The following SMCHD1 variants were observed in gnomAD, a reference collection of about 807,000 sequenced individuals.
SMCHD1 encodes structural maintenance of chromosomes flexible hinge domain containing 1.
SMCHD1 carries 78 observed loss-of-function variants against 254.7 expected under a neutral mutation model. The ratio of observed to expected loss-of-function variants is 0.31; its 90% CI spans 0.26 to 0.37. The LOEUF is 0.37. SMCHD1 is among the 10% of genes least tolerant of loss of function. SMCHD1 has a pLI of 1.00. For missense variants in SMCHD1, 1,840 were observed against 2,408.1 expected (o/e 0.76, Z 4.94); for synonymous variants, 766 against 794.9 (o/e 0.96, Z 0.61).
At position 2,767,584 on chromosome 18, in the gene SMCHD1, C is replaced by CTTTT. The variant is rs397858216; in HGVS notation, c.4720-2090_4720-2087dup. On this transcript the variant is annotated intron_variant, in intron 37 of 47. Coordinates refer to ENST00000320876, the MANE Select transcript of SMCHD1 (RefSeq NM_015295.3). ...TGGGCTATATATCACAACCTATTTC[C>CTTTT]TTTTTTTTTTTTTTTTTTTTTTTGA... Among the ~76,000 whole-genome samples the CTTTT allele has an allele frequency of 7.6e-3, 681 of 89,180 alleles. 13 individuals carry two copies. The highest frequency in any genetic ancestry group is 0.01 in the East Asian group (33 of 3,222). 58.5% of individuals were successfully genotyped at this position (89,180 alleles called of 152,430 possible).
chr18:2,799,109 A>G (rs920201515), intron 47 of SMCHD1, among the ~76,000 whole-genome samples: 3 of 152,190 alleles, frequency 2.0e-5, no homozygotes, highest in African/African-American at 7.2e-5. Flanking sequence ...TACGTGAGTC[A>G]CATATATAAT....
intron 3 of SMCHD1, among the ~76,000 whole-genome samples, chr18:2,672,622 A>C (rs376685564): frequency 3.3e-5 from 5 of 152,356 alleles, no homozygotes; most frequent in African/African-American, 7.2e-5. Context: ...TTTTTACTAA[A>C]GGGATAAAAG....
intron 25 of SMCHD1, among the ~76,000 whole-genome samples, chr18:2,735,301 A>C (rs930306693): frequency 6.6e-6 from 1 of 152,162 alleles, no homozygotes; most frequent in Non-Finnish European, 1.5e-5. Flanking sequence ...GATAATGAGA[A>C]CCATCCATGA....
At chr18:2,792,947 T>C (rs2076192474) in intron 45 of SMCHD1, among the ~76,000 whole-genome samples, 2 of 152,200 alleles carry the variant, frequency 1.3e-5, no homozygotes, top group Admixed American at 6.5e-5. Context: ...CTGTCACAGC[T>C]TGCCTCTATC....
rs976938924 is a variant in SMCHD1, at chr18:2,718,609, G to A, written c.2458+175G>A. On this transcript the variant is annotated intron_variant, in intron 19 of 47. Transcript: ENST00000320876. This position sits in a 1 kb window ranked among gnomAD's most constrained non-coding sequence, Gnocchi z 4.6. ...CTCATTCTGTCACCCAGGCTGGAGT[G>A]CAGTGGCACAATCTCGGCTCACTGC... Among the ~76,000 whole-genome samples the A allele has an allele frequency of 3.3e-5, 5 of 152,168 alleles. No homozygotes were observed. The highest frequency in any genetic ancestry group is 7.3e-5 in the Non-Finnish European group (5 of 68,028).
At chr18:2,761,181 TGTTCTCCCTTGCAA>T (rs2143685450) in intron 35 of SMCHD1, among the ~76,000 whole-genome samples, 1 of 152,340 alleles carries the variant, frequency 6.6e-6, no homozygotes, top group East Asian at 1.9e-4. Flanking sequence ...AAATACTGCA[TGTTCTCCCTTGCAA>T]GTGGGAGCTA....
chr18:2,797,146 T>G (rs2076278874), intron 47 of SMCHD1, among the ~76,000 whole-genome samples: 2 of 152,142 alleles, frequency 1.3e-5, no homozygotes, highest in South Asian at 4.1e-4. Context: ...AGTAACTTAA[T>G]AAGTATAGAA....
chr18:2,708,651 T>G (rs1194920035), intron 17 of SMCHD1, among the ~76,000 whole-genome samples: 3 of 151,100 alleles, frequency 2.0e-5, no homozygotes, highest in Admixed American at 6.6e-5. Context: ...TTCGCTCTTG[T>G]TGCCCAGGCT....
intron 35 of SMCHD1, 86 bp downstream of exon 35, chr18:2,760,825 C>A: frequency 1.6e-6 from 1 of 639,924 alleles, no homozygotes; most frequent in South Asian, 2.3e-5. Flanking sequence ...GAAATAGCTT[C>A]ACATTTTCTC....
At chr18:2,763,538 G>A in intron 36 of SMCHD1, 99 bp from the exon 37 acceptor site, 1 of 964,976 alleles carries the variant, frequency 1.0e-6, no homozygotes, top group Non-Finnish European at 1.5e-6. Context: ...ATAATTTAAT[G>A]TTGGGGGCTC....
rs1015704276 is a variant in SMCHD1, at chr18:2,754,327, T to C, written c.4346+1775T>C. ...CACCAGGAGGACTCACAGGACTTAA[T>C]ATATAGCTGGGCTCATAGCTATGTT... On this transcript the variant is annotated intron_variant, in intron 34 of 47. Coordinates refer to ENST00000320876, the MANE Select transcript of SMCHD1 (RefSeq NM_015295.3). Among the ~76,000 whole-genome samples the C allele has an allele frequency of 1.3e-4, 20 of 152,236 alleles. 1 individual carries two copies.
rs534540600 is a variant in SMCHD1, at chr18:2,730,035, A to C, written c.3048+626A>C. On this transcript the variant is annotated intron_variant, in intron 24 of 47. Coordinates refer to ENST00000320876, the MANE Select transcript of SMCHD1 (RefSeq NM_015295.3). Reference sequence around the variant, plus strand: ...AGCCATTTTGCTTTTTATCGTTCTCATTTGTTTTAGAAAGCTTGGTAAATA... The same window carrying C: ...AGCCATTTTGCTTTTTATCGTTCTCCTTTGTTTTAGAAAGCTTGGTAAATA... 2.6e-5 allele frequency among the ~76,000 whole-genome samples: 4 copies of C among 152,140 alleles called. No homozygotes were observed. In the East Asian group the frequency reaches 7.7e-4, roughly 29 times the overall value.
At position 2,804,340 on chromosome 18, in the gene SMCHD1, T is replaced by TG. The variant is rs2076411868; in HGVS notation, c.*1789dup. On this transcript the variant is annotated 3_prime_UTR_variant, in exon 48 of 48. Transcript: ENST00000320876. ...TTGAGCGACAGTGGCCTCACTACAT[T>TG]GCCCAGGCTAGTCTTGAACTCCTGG... 6.6e-6 allele frequency: 1 copy of TG among 152,188 alleles called. No individual in the cohort carries two copies. Among genetic ancestry groups the TG allele is most frequent in the African/African-American group, 2.4e-5 (1 of 41,440 alleles). 9.4% of individuals were successfully genotyped at this position (152,188 alleles called of 1,614,324 possible).
At chr18:2,780,231 C>T (rs1432646590) in intron 44 of SMCHD1, among the ~76,000 whole-genome samples, 1 of 65,576 alleles carries the variant, frequency 1.5e-5, no homozygotes, top group African/African-American at 6.1e-5. Context: ...CAGAGCAAGA[C>T]TCTATCTAAA....
At chr18:2,748,597 G>A (rs183761168) in intron 30 of SMCHD1, among the ~76,000 whole-genome samples, 24 of 151,968 alleles carry the variant, frequency 1.6e-4, no homozygotes, top group Middle Eastern at 3.4e-3. Flanking sequence ...GTTTCACCAC[G>A]TTGGCCAGGC....
intron 17 of SMCHD1, among the ~76,000 whole-genome samples, chr18:2,710,478 A>G (rs2074641799): frequency 6.6e-6 from 1 of 152,190 alleles, no homozygotes; most frequent in Admixed American, 6.5e-5. Flanking sequence ...CACTTTGAGT[A>G]TTATTTTTAC....
chr18:2,725,530 A>G (rs940016688), intron 21 of SMCHD1, among the ~76,000 whole-genome samples: 1 of 151,972 alleles, frequency 6.6e-6, no homozygotes, highest in African/African-American at 2.4e-5. Context: ...AACTCTAATA[A>G]GGTAATTTTT....
chr18:2,705,761 A>G lies in SMCHD1; in HGVS notation c.1910A>G (p.His637Arg), dbSNP rs920418184. ...SIVRFFLYGD[H>R]DGEVYATGGE... is the part of the protein sequence containing the mutation. ...GTAAGATTTTTTCTTTATGGCGATCATGATGGAGAAGTATATGCTACAGGA... is the reference window on the plus strand; with the variant it reads ...GTAAGATTTTTTCTTTATGGCGATCGTGATGGAGAAGTATATGCTACAGGA... Residue 637 changes from histidine (H) to arginine (R), a missense_variant, in exon 14 of 48, where the codon CAT (histidine) becomes CGT (arginine). Around this residue, in one of 9 missense-constraint regions of SMCHD1, gnomAD observed 498 missense variants for 743.5 expected, o/e 0.67. Transcript: ENST00000320876. The G allele has an allele frequency of 1.9e-6, 3 of 1,609,538 alleles. No homozygotes were observed. Among genetic ancestry groups the G allele is most frequent in the Admixed American group, 1.7e-5 (1 of 59,816 alleles).
At chr18:2,723,778 TC>T (rs1486426345) in intron 20 of SMCHD1, among the ~76,000 whole-genome samples, 1 of 152,186 alleles carries the variant, frequency 6.6e-6, no homozygotes, top group Non-Finnish European at 1.5e-5. Context: ...AGAGGAGAGA[TC>T]TGGAGATCTG....
Sources: gnomAD v4.1 joint callset for allele counts (sites outside exome capture counted in the v4.1 genomes callset) on GRCh38, gnomAD v4.1.1 for gene constraint, gnomAD v4.1.1 regional missense constraint, Gnocchi (gnomAD v3.1) non-coding constraint, MANE v1.5 for transcripts, NCBI Gene and HGNC (gene_info 2026-07-23, HGNC 2026-07-21) for gene names.